The following DYNC2I2 variants were observed in gnomAD, a reference collection of about 807,000 sequenced individuals.
The protein encoded by DYNC2I2 is cytoplasmic dynein 2 intermediate chain 2.
Under a neutral mutation model 52.0 loss-of-function variants are expected in DYNC2I2, and 39 were observed. That is an observed-to-expected ratio of 0.75 (90% CI 0.58 to 0.98). The LOEUF (loss-of-function observed/expected upper bound fraction) is 0.98, where lower values mean the gene tolerates loss of function less well. DYNC2I2 is among the 50% of genes least tolerant of loss of function. The pLI, the probability that DYNC2I2 is intolerant of heterozygous loss-of-function variation, is 0.00. For missense variants in DYNC2I2, 743 were observed against 728.4 expected (o/e 1.02, Z -0.23); for synonymous variants, 359 against 321.1 (o/e 1.12, Z -1.26).
chr9:128,645,572 G>A lies in DYNC2I2; in HGVS notation c.187-4633C>T, dbSNP rs189754012. Among the ~76,000 whole-genome samples, 9 of 121,786 alleles carry A rather than the reference G, an allele frequency of 7.4e-5. No homozygotes were observed. The East Asian group carries it at 1.4e-3, about 19-fold the overall frequency. The allele number at this position is 121,786 out of a possible 152,430, so 79.9% of individuals were successfully genotyped here. ...GCAGAGGTTGCAATGAGCCGAGATC[G>A]TACCACTGCACTCTGGCCTGGGCAA... On this transcript the variant is annotated intron_variant, in intron 1 of 8. Coordinates refer to ENST00000372715, the MANE Select transcript of DYNC2I2 (RefSeq NM_052844.4).
At chr9:128,683,925 G>T in the DYNC2I2 span, 3 of 1,554,992 alleles carry the variant, frequency 1.9e-6, no homozygotes, top group South Asian at 3.6e-5. Flanking sequence ...CTCCACTCCC[G>T]CCTCAAAAGA....
At chr9:128,643,695 C>A (rs923791799) in intron 1 of DYNC2I2, among the ~76,000 whole-genome samples, 1 of 152,064 alleles carries the variant, frequency 6.6e-6, no homozygotes, top group Non-Finnish European at 1.5e-5. Flanking sequence ...AAGCCCAAGA[C>A]GACGTGTTGG....
At chr9:128,675,681 T>A in the DYNC2I2 span, among the ~76,000 whole-genome samples, 1 of 152,156 alleles carries the variant, frequency 6.6e-6, no homozygotes, top group African/African-American at 2.4e-5. Context: ...ATACAATGTT[T>A]TGGAAACTTC....
chr9:128,638,116 A>T (rs1860448401), intron 2 of DYNC2I2, among the ~76,000 whole-genome samples: 1 of 151,896 alleles, frequency 6.6e-6, no homozygotes, highest in Admixed American at 6.6e-5. Context: ...CAGAGCCTGT[A>T]ATCCCAGCTA....
the DYNC2I2 span, among the ~76,000 whole-genome samples, chr9:128,664,536 G>T: frequency 6.6e-6 from 1 of 151,578 alleles, no homozygotes; most frequent in African/African-American, 2.4e-5. Context: ...CCACACTGGG[G>T]TGAAGTGTCG....
At chr9:128,638,633 G>A (rs1184984039) in intron 2 of DYNC2I2, among the ~76,000 whole-genome samples, 1 of 152,186 alleles carries the variant, frequency 6.6e-6, no homozygotes, top group African/African-American at 2.4e-5. Context: ...ATGTGCAAGA[G>A]GTGCCTCTGC....
chr9:128,637,823 C>A (rs1860443889), intron 2 of DYNC2I2, among the ~76,000 whole-genome samples: 1 of 152,134 alleles, frequency 6.6e-6, no homozygotes, highest in South Asian at 2.1e-4. Flanking sequence ...AGGCTGACGA[C>A]CAGCCTAGCC....
Position 128,635,174 on chromosome 9 carries a change from C to A in DYNC2I2, c.899G>T (p.Gly300Val), listed in dbSNP as rs1200480566. 53 of 1,613,398 alleles carry A rather than the reference C, an allele frequency of 3.3e-5. No homozygotes were observed. The highest frequency in any genetic ancestry group is 4.2e-5 in the Non-Finnish European group (49 of 1,179,994). Residue 300 changes from glycine to valine, a missense_variant, in exon 6 of 9, where the codon GGC (glycine) becomes GTC (valine). By Grantham distance (109) the Gly-to-Val change is moderately radical (BLOSUM62 -3). Coordinates refer to ENST00000372715, the MANE Select transcript of DYNC2I2 (RefSeq NM_052844.4). ...GAGCTGCAGCTGGCCTACCCCGATG[C>A]CCTGCCAGAGTAGCACCTTCCCGTC... is the stretch of plus-strand genomic sequence containing the variant. The part of the protein sequence containing the change: ...ATDGKVLLWQ[G>V]IGVGQLQLTE...
the DYNC2I2 span, among the ~76,000 whole-genome samples, chr9:128,682,974 C>A: frequency 6.2e-4 from 92 of 148,984 alleles, no homozygotes; most frequent in African/African-American, 2.2e-3. Context: ...CTGCGCCCGG[C>A]TGGGACCTTG....
intron 1 of DYNC2I2, among the ~76,000 whole-genome samples, chr9:128,642,453 C>CAAA (rs34018869): frequency 6.4e-5 from 5 of 78,442 alleles, no homozygotes; most frequent in African/African-American, 1.0e-4. Context: ...GAGACTTTCT[C>CAAA]AAAAAAAAAA....
At chr9:128,683,856 G>A in the DYNC2I2 span, 15 of 1,509,606 alleles carry the variant, frequency 9.9e-6, no homozygotes, top group Admixed American at 8.2e-5. Flanking sequence ...CCGGACGGGC[G>A]AGGAGACTCG....
chr9:128,637,040 C>T lies in DYNC2I2; in HGVS notation c.436-13G>A, dbSNP rs756656196. 7 of 1,606,010 alleles carry T rather than the reference C, an allele frequency of 4.4e-6. No individual in the cohort carries two copies. In the South Asian group the frequency reaches 7.7e-5, roughly 18 times the overall value. ...ACAGACAAGACACCTGCGGAGACGT[C>T]CCCAACCCTGAGTCCAAAGCCACCA... On this transcript the variant is annotated splice_polypyrimidine_tract_variant and intron_variant, in intron 2 of 8. Coordinates refer to ENST00000372715, the MANE Select transcript of DYNC2I2 (RefSeq NM_052844.4).
the DYNC2I2 span, among the ~76,000 whole-genome samples, chr9:128,664,805 T>C: frequency 6.6e-6 from 1 of 151,472 alleles, no homozygotes; most frequent in African/African-American, 2.4e-5. Flanking sequence ...TTTTCAACAT[T>C]ATACATGCAG....
the DYNC2I2 span, among the ~76,000 whole-genome samples, chr9:128,679,141 C>T: frequency 6.6e-6 from 1 of 152,102 alleles, no homozygotes; most frequent in Non-Finnish European, 1.5e-5. Context: ...TACACTGAGA[C>T]TTAGGCTTGT....
intron 2 of DYNC2I2, among the ~76,000 whole-genome samples, chr9:128,637,262 G>A (rs940550936): frequency 1.3e-5 from 2 of 152,224 alleles, no homozygotes; most frequent in Non-Finnish European, 2.9e-5. Flanking sequence ...GCCCAGAGGG[G>A]TGGCTGCCCT....
In DYNC2I2 at chr9:128,637,275, C is replaced by T. The variant is rs73669959; in HGVS notation, c.436-248G>A. Among the ~76,000 whole-genome samples, 1,311 of 152,344 alleles carry T rather than the reference C, an allele frequency of 8.6e-3. 20 individuals are homozygous for T. Among genetic ancestry groups the T allele is most frequent in the East Asian group, 0.04 (209 of 5,176 alleles). On this transcript the variant is annotated intron_variant, in intron 2 of 8. Transcript: ENST00000372715. ...CCGCCCAGAGGGGTGGCTGCCCTCA[C>T]AGGCACACTCCACAGTTTCCAAGCC...
At chr9:128,640,379 C>A (rs1231063594) in intron 2 of DYNC2I2, among the ~76,000 whole-genome samples, 1 of 152,200 alleles carries the variant, frequency 6.6e-6, no homozygotes, top group Non-Finnish European at 1.5e-5. Context: ...GGAGGCAGGG[C>A]AGCCGGGCCA....
chr9:128,664,705 G>A, the DYNC2I2 span, among the ~76,000 whole-genome samples: 410 of 151,568 alleles, frequency 2.7e-3, 9 homozygotes, highest in East Asian at 0.039. Flanking sequence ...GGCTGGTCAC[G>A]AACTCCTGAC....
chr9:128,660,963 C>T (rs1308039671), upstream of DYNC2I2, among the ~76,000 whole-genome samples: 3 of 151,374 alleles, frequency 2.0e-5, no homozygotes, highest in Non-Finnish European at 2.9e-5. Flanking sequence ...CTCCTGACCT[C>T]AGGATCTGCG....
Sources: gnomAD v4.1 joint callset for allele counts (sites outside exome capture counted in the v4.1 genomes callset) on GRCh38, gnomAD v4.1.1 for gene constraint, MANE v1.5 for transcripts, NCBI Gene and HGNC (gene_info 2026-07-23, HGNC 2026-07-21) for gene names.